TTC19: variants seen among roughly 807,000 people sequenced by gnomAD.
The protein encoded by TTC19 is tetratricopeptide repeat protein 19, mitochondrial.
TTC19 carries 38 observed loss-of-function variants against 49.5 expected under a neutral mutation model. The observed-to-expected ratio is 0.77, with a 90% CI of 0.59 to 1.01. TTC19 has a LOEUF of 1.01. Ranked by LOEUF, TTC19 falls within the 50% of genes least tolerant of loss-of-function variation. TTC19 has a pLI of 0.00. For missense variants in TTC19, 475 were observed against 477.7 expected (o/e 0.99, Z 0.05); for synonymous variants, 204 against 185.2 (o/e 1.10, Z -0.83).
At chr17:16,035,449 ACTC>A (rs1974176618) in intron 2 of TTC19, among the ~76,000 whole-genome samples, 1 of 150,810 alleles carries the variant, frequency 6.6e-6, no homozygotes, top group Non-Finnish European at 1.5e-5. Context: ...CTAAGAAGCA[ACTC>A]CTCATCCATT....
At chr17:16,000,536 T>C in intron 2 of TTC19, 2 of 706,512 alleles carry the variant, frequency 2.8e-6, no homozygotes, top group Non-Finnish European at 4.0e-6. Flanking sequence ...GTAGTGGTTT[T>C]ATCAATTAAC....
At chr17:16,005,447 C>G (rs1970875706) in intron 6 of TTC19, among the ~76,000 whole-genome samples, 2 of 152,172 alleles carry the variant, frequency 1.3e-5, no homozygotes, top group South Asian at 4.1e-4. Context: ...TGGCAAAGCA[C>G]TAGAGAACAG....
intron 2 of TTC19, among the ~76,000 whole-genome samples, chr17:16,001,489 G>A (rs1970731255): frequency 6.6e-6 from 1 of 152,050 alleles, no homozygotes; most frequent in African/African-American, 2.4e-5. Flanking sequence ...TCACTTCCTT[G>A]GAAGGCTTCC....
intron 7 of TTC19, among the ~76,000 whole-genome samples, chr17:16,012,815 G>A (rs1211028231): frequency 6.6e-6 from 1 of 152,144 alleles, no homozygotes; most frequent in Non-Finnish European, 1.5e-5. Flanking sequence ...TGGGATTACA[G>A]GCATGAGCCA....
Position 16,017,748 on chromosome 17 carries a change from C to T in TTC19, c.677-7269C>T, listed in dbSNP as rs1045295425. 9.9e-5 allele frequency among the ~76,000 whole-genome samples: 15 copies of T among 152,196 alleles called. No homozygotes were observed. In the East Asian group the frequency reaches 2.9e-3, roughly 29 times the overall value. On this transcript the variant is annotated intron_variant, in intron 7 of 9. Transcript: ENST00000261647. ...TGCACTCCAGCCTGGTTAAGAAGAG[C>T]GAAACTCCATCTCAAACAACAAAAC...
chr17:16,011,423 C>A (rs550193017), intron 7 of TTC19, among the ~76,000 whole-genome samples: 1 of 152,106 alleles, frequency 6.6e-6, no homozygotes, highest in Non-Finnish European at 1.5e-5. Flanking sequence ...TCCACCCGCC[C>A]CAGCCTCCCC....
intron 2 of TTC19, chr17:16,040,512 T>C (rs1437821603): frequency 6.2e-7 from 1 of 1,609,440 alleles, no homozygotes; most frequent in Non-Finnish European, 8.5e-7. Flanking sequence ...TAAGCAAACA[T>C]TCAAGTTAAT....
intron 2 of TTC19, chr17:16,040,609 C>T: frequency 1.1e-6 from 1 of 916,504 alleles, no homozygotes; most frequent in Non-Finnish European, 1.7e-6. Context: ...TGATCTCAAC[C>T]TTTATTTCTC....
Position 16,003,706 on chromosome 17 carries a change from G to A in TTC19, c.463-125G>A, listed in dbSNP as rs72821764. On this transcript the variant is annotated intron_variant, in intron 4 of 9. Transcript: ENST00000261647. ...GGTACTTTTCTGTGTGTGAGTGTGC[G>A]TGTGTGTGGGTATATGGGTTTTACA... is the stretch of plus-strand genomic sequence containing the variant. 3.8e-3 allele frequency: 3,110 copies of A among 825,416 alleles called. 11 individuals carry two copies. Among genetic ancestry groups the A allele is most frequent in the Non-Finnish European group, 5.0e-3 (2,448 of 494,442 alleles). 51.1% of individuals were successfully genotyped at this position (825,416 alleles called of 1,614,324 possible).
Position 16,039,465 on chromosome 17 carries a change from C to T in TTC19, c.248-5038C>T, listed in dbSNP as rs202234006. On this transcript the variant is annotated intron_variant, in intron 2 of 2. Coordinates refer to the TTC19 transcript ENST00000470649. ...AGGTGATGGGTCCCCTTCCTCTCTT[C>T]GTGTCTCACCACTGGTCACAACTGA... 2.9e-5 allele frequency: 47 copies of T among 1,614,066 alleles called. 1 individual carries two copies. Among genetic ancestry groups the T allele is most frequent in the Admixed American group, 1.8e-4 (11 of 60,030 alleles).
intron 8 of TTC19, among the ~76,000 whole-genome samples, chr17:16,025,512 T>G (rs950177105): frequency 3.9e-5 from 6 of 152,170 alleles, no homozygotes; most frequent in Non-Finnish European, 7.3e-5. Flanking sequence ...TAGAAGCTTA[T>G]GAGGAACGGT....
chr17:16,018,752 C>G (rs1018882839), intron 7 of TTC19, among the ~76,000 whole-genome samples: 2 of 152,196 alleles, frequency 1.3e-5, no homozygotes, highest in Non-Finnish European at 2.9e-5. Flanking sequence ...AAGCAATCTA[C>G]CTGCCTTGAC....
rs1199996263 is a variant in TTC19 at position 16,027,381 on chromosome 17, T to A, written c.1002T>A (p.Tyr334Ter). The A allele has an allele frequency of 6.2e-7, 1 of 1,614,020 alleles. No individual in the cohort carries two copies. The highest frequency in any genetic ancestry group is 8.5e-7 in the Non-Finnish European group (1 of 1,179,920). ...LAAVLMHRER[Y>*]TQAKEIYQEA... ...CTCTCTGGGTTATTTTAGAACGATA[T>A]ACACAAGCAAAAGAGATCTACCAGG... Residue 334 changes from tyrosine to a stop codon, truncating the protein, a stop_gained, in exon 10 of 10, where the codon TAT becomes TAA. Transcript: ENST00000261647. LOFTEE classifies it high-confidence loss of function.
rs141892030 is a variant in TTC19, at chr17:16,025,127, G to T, written c.787G>T (p.Ala263Ser). ...PSQAQRMYEK[A>S]LQISEEIQGE... ...ACAGGCACAAAGGATGTATGAAAAAGCTCTGCAGATTTCTGAAGAAATACA... is the reference window on the plus strand; with the variant it reads ...ACAGGCACAAAGGATGTATGAAAAATCTCTGCAGATTTCTGAAGAAATACA... Residue 263 changes from alanine to serine, a missense_variant, in exon 8 of 10, where the codon GCT becomes TCT. Coordinates refer to ENST00000261647, the MANE Select transcript of TTC19 (RefSeq NM_017775.4). 6.6e-4 allele frequency: 1,067 copies of T among 1,613,876 alleles called. 1 individual carries two copies. Among genetic ancestry groups the T allele is most frequent in the Non-Finnish European group, 8.6e-4 (1,011 of 1,179,922 alleles).
At chr17:16,002,052 C>T (rs749431367) in intron 3 of TTC19, 27 bp downstream of exon 3, 7 of 1,500,948 alleles carry the variant, frequency 4.7e-6, no homozygotes, top group Admixed American at 1.7e-5. Flanking sequence ...GTCTGAACCA[C>T]TGATGAGGAA....
In TTC19 at chr17:16,025,049, G is replaced by A. The variant is rs759231114; in HGVS notation, c.709G>A (p.Gly237Ser). ...GAAAGCCAATACCCACCTCCTCTTG[G>A]GCATGTGCTTAGACGCCTGTGCTCG... The part of the protein sequence containing the change: ...EEKANTHLLL[G>S]MCLDACARYL... The change falls in exon 8 of 10, where the codon GGC becomes AGC. Residue 237 changes from glycine (G) to serine (S), a missense_variant. Transcript: ENST00000261647. The A allele has an allele frequency of 1.9e-6, 3 of 1,613,846 alleles. No individual in the cohort carries two copies. In the South Asian group the frequency reaches 3.3e-5, roughly 18 times the overall value.
chr17:16,037,828 C>T (rs2056732152), intron 2 of TTC19, among the ~76,000 whole-genome samples: 2 of 152,212 alleles, frequency 1.3e-5, no homozygotes, highest in African/African-American at 2.4e-5. Flanking sequence ...TGAGACACCT[C>T]TGACTGTGCT....
intron 9 of TTC19, 85 bp from the exon 10 acceptor site, chr17:16,027,289 A>G (rs764584042): frequency 1.9e-5 from 29 of 1,508,176 alleles, no homozygotes; most frequent in East Asian, 6.9e-5. Flanking sequence ...AATTAGCCCT[A>G]TATCTGCATT....
At position 16,037,132 on chromosome 17, in the gene TTC19, A is replaced by G. The variant is rs539110724; in HGVS notation, c.248-7371A>G. On this transcript the variant is annotated intron_variant, in intron 2 of 2. Coordinates refer to the TTC19 transcript ENST00000470649. Reference sequence around the variant, plus strand: ...CAGGGAATAAGGGAGCCAGAGGAGGAGAGAGACAGGGAACAACCAGTCAGT... The same window carrying G: ...CAGGGAATAAGGGAGCCAGAGGAGGGGAGAGACAGGGAACAACCAGTCAGT... 1.3e-3 allele frequency among the ~76,000 whole-genome samples: 199 copies of G among 152,320 alleles called. 1 individual carries two copies. Among genetic ancestry groups the G allele is most frequent in the African/African-American group, 4.5e-3 (189 of 41,576 alleles).
Sources: gnomAD v4.1 joint callset for allele counts (sites outside exome capture counted in the v4.1 genomes callset) on GRCh38, gnomAD v4.1.1 for gene constraint, MANE v1.5 for transcripts, NCBI Gene and HGNC (gene_info 2026-07-23, HGNC 2026-07-21) for gene names.